Variants in CNTNAP2 observed in about 807,000 individuals in gnomAD.
CNTNAP2 encodes the protein contactin associated protein 2.
Under a neutral mutation model 155.2 loss-of-function variants are expected in CNTNAP2, and 98 were observed. That is an observed-to-expected ratio of 0.63 (90% confidence interval 0.54 to 0.75). CNTNAP2 has a LOEUF of 0.75. Among genes scored for constraint, CNTNAP2 ranks in the 30% least tolerant of loss-of-function variants. The pLI is 0.00. For synonymous variants in CNTNAP2, 651 were observed against 631.2 expected (o/e 1.03, Z -0.47); for missense variants, 1,727 against 1,688.1 (o/e 1.02, Z -0.40).
At chr7:147,405,481 T>C (rs1796990540) in intron 10 of CNTNAP2, among the ~76,000 whole-genome samples, 1 of 152,192 alleles carries the variant, frequency 6.6e-6, no homozygotes, top group Non-Finnish European at 1.5e-5. Context: ...CTGATACAAC[T>C]TAATGAAGGG....
chr7:147,000,744 G>A (rs757455510), intron 3 of CNTNAP2, among the ~76,000 whole-genome samples: 3 of 152,132 alleles, frequency 2.0e-5, no homozygotes, highest in Non-Finnish European at 4.4e-5. Flanking sequence ...GTGCTAGGGT[G>A]TGCTTGAAGC....
chr7:146,446,915 G>A (rs932615237), intron 1 of CNTNAP2, among the ~76,000 whole-genome samples: 1 of 151,952 alleles, frequency 6.6e-6, no homozygotes, highest in African/African-American at 2.4e-5. Flanking sequence ...TCTGTATACA[G>A]CATATTAATT....
At chr7:147,495,443 C>G (rs1004522956) in intron 11 of CNTNAP2, among the ~76,000 whole-genome samples, 1 of 152,124 alleles carries the variant, frequency 6.6e-6, no homozygotes, top group Non-Finnish European at 1.5e-5. Context: ...TTTAATAGAG[C>G]TGGTTTACTA....
chr7:147,732,188 C>A (rs1404052415), intron 13 of CNTNAP2, among the ~76,000 whole-genome samples: 1 of 74,028 alleles, frequency 1.4e-5, no homozygotes, highest in African/African-American at 1.1e-4. Flanking sequence ...CCCTCCCCCC[C>A]CCACCACCCC....
At chr7:146,415,582 C>A (rs1337037259) in intron 1 of CNTNAP2, among the ~76,000 whole-genome samples, 9 of 151,998 alleles carry the variant, frequency 5.9e-5, no homozygotes, top group African/African-American at 2.2e-4. Context: ...ATTCTGATTT[C>A]CATTAGATGT....
chr7:147,757,701 G>A (rs968503133), intron 13 of CNTNAP2, among the ~76,000 whole-genome samples: 2 of 151,812 alleles, frequency 1.3e-5, no homozygotes, highest in South Asian at 2.1e-4. Flanking sequence ...CTCCATAGTT[G>A]GTTTCCTTAG....
chr7:146,629,719 TTA>T (rs1424578041), intron 1 of CNTNAP2, among the ~76,000 whole-genome samples: 2 of 152,122 alleles, frequency 1.3e-5, no homozygotes, highest in East Asian at 3.9e-4. Flanking sequence ...TTCTTGCAGA[TTA>T]TATGTTACAT....
chr7:146,519,360 G>A lies in CNTNAP2; in HGVS notation c.98-254911G>A, dbSNP rs1193349979. On this transcript the variant is annotated intron_variant, in intron 1 of 23. Coordinates refer to ENST00000361727, the MANE Select transcript of CNTNAP2 (RefSeq NM_014141.6). Reference sequence around the variant, plus strand: ...AGGGAACAGATGAGGGAGGAAGGATGGGTTGGGGAAGTCTTCAAGAGTTTT... The same window carrying A: ...AGGGAACAGATGAGGGAGGAAGGATAGGTTGGGGAAGTCTTCAAGAGTTTT... 2.6e-5 allele frequency among the ~76,000 whole-genome samples: 4 copies of A among 151,762 alleles called. No homozygotes were observed. The East Asian group carries it at 7.7e-4, about 29-fold the overall frequency.
At chr7:146,699,142 T>G (rs1010036259) in intron 1 of CNTNAP2, among the ~76,000 whole-genome samples, 2 of 152,188 alleles carry the variant, frequency 1.3e-5, no homozygotes, top group African/African-American at 2.4e-5. Context: ...TTGTTTTGTC[T>G]CTTTAATCTG....
chr7:146,395,838 AG>A (rs1428989768), intron 1 of CNTNAP2, among the ~76,000 whole-genome samples: 1 of 146,172 alleles, frequency 6.8e-6, no homozygotes, highest in African/African-American at 2.5e-5. Flanking sequence ...AGAGAGAGAG[AG>A]AGAGAGAGAG....
chr7:146,352,232 A>G (rs1244058120), intron 1 of CNTNAP2, among the ~76,000 whole-genome samples: 1 of 152,176 alleles, frequency 6.6e-6, no homozygotes, highest in African/African-American at 2.4e-5. Context: ...ATTTTATTAT[A>G]TTTAAAATTT....
intron 1 of CNTNAP2, among the ~76,000 whole-genome samples, chr7:146,353,861 C>T (rs1379112405): frequency 6.6e-6 from 1 of 152,074 alleles, no homozygotes; most frequent in Non-Finnish European, 1.5e-5. Flanking sequence ...TAAGATAATA[C>T]ATGGCAACAA....
At chr7:147,467,600 A>C (rs368686335) in intron 10 of CNTNAP2, among the ~76,000 whole-genome samples, 130 of 152,358 alleles carry the variant, frequency 8.5e-4, no homozygotes, top group African/African-American at 3.1e-3. Flanking sequence ...TGGGCGACGG[A>C]TACATTAAAA....
At chr7:147,502,945 A>C (rs1798845770) in intron 11 of CNTNAP2, among the ~76,000 whole-genome samples, 1 of 152,250 alleles carries the variant, frequency 6.6e-6, no homozygotes, top group Non-Finnish European at 1.5e-5. Context: ...GAAAAGCAAT[A>C]GTTGAGCGAG....
intron 13 of CNTNAP2, among the ~76,000 whole-genome samples, chr7:147,705,786 C>T (rs1010359262): frequency 1.3e-5 from 2 of 152,140 alleles, no homozygotes; most frequent in African/African-American, 4.8e-5. Context: ...CTGAGTTGAT[C>T]CTTTTTCATC....
At position 147,523,374 on chromosome 7, in the gene CNTNAP2, T is replaced by C. The variant is rs1799262833; in HGVS notation, c.1777+37333T>C. On this transcript the variant is annotated intron_variant, in intron 11 of 23. Transcript: ENST00000361727. ...CCACAGTCTTGTAATAGTCTAATCA[T>C]GGAAATGACATTTCATCACTTCACC... Among the ~76,000 whole-genome samples, 2 of 152,148 alleles carry C rather than the reference T, an allele frequency of 1.3e-5. 1 individual carries two copies. The highest frequency in any genetic ancestry group is 1.3e-4 in the Admixed American group (2 of 15,282).
intron 22 of CNTNAP2, 47 bp from the exon 23 acceptor site, chr7:148,409,344 T>A: frequency 7.1e-7 from 1 of 1,402,974 alleles, no homozygotes; most frequent in Non-Finnish European, 1.0e-6. Context: ...TTATTTGGGA[T>A]CAATAGTATA....
intron 2 of CNTNAP2, among the ~76,000 whole-genome samples, chr7:146,815,877 T>A (rs965277377): frequency 1.3e-5 from 2 of 152,140 alleles, no homozygotes; most frequent in Admixed American, 6.6e-5. Flanking sequence ...GTCATTTACA[T>A]TAGGTATTTC....
intron 1 of CNTNAP2, among the ~76,000 whole-genome samples, chr7:146,432,081 G>A (rs1448013838): frequency 1.3e-5 from 2 of 151,954 alleles, no homozygotes; most frequent in African/African-American, 4.8e-5. Context: ...AAAAAGTAAT[G>A]ACAGTAAAGA....
Sources: allele counts gnomAD v4.1 joint callset (sites outside exome capture counted in the v4.1 genomes callset), GRCh38; gene constraint gnomAD v4.1.1; transcripts MANE v1.5; gene names NCBI Gene and HGNC (gene_info 2026-07-23, HGNC 2026-07-21).